The following BORCS5 variants were observed in gnomAD, a reference collection of about 807,000 sequenced individuals.
BORCS5 encodes the protein BLOC-1 related complex subunit 5.
Under a neutral mutation model 22.1 loss-of-function variants are expected in BORCS5, and 17 were observed. That is an observed-to-expected ratio of 0.77 (90% CI 0.53 to 1.15). BORCS5 has a LOEUF of 1.15. BORCS5 is among the 50% of genes most tolerant of loss of function. The pLI is 0.00. For synonymous variants in BORCS5, 117 were observed against 99.8 expected (o/e 1.17, Z -1.03); for missense variants, 247 against 253.2 (o/e 0.98, Z 0.17).
intron 3 of BORCS5, among the ~76,000 whole-genome samples, chr12:12,445,496 CTTTTT>C (rs5796492): frequency 6.6e-5 from 3 of 45,774 alleles, no homozygotes; most frequent in South Asian, 1.2e-3. Flanking sequence ...ACATGCATTG[CTTTTT>C]TTTTTTTTTT....
At chr12:12,448,624 T>A (rs923834770) in intron 3 of BORCS5, among the ~76,000 whole-genome samples, 30 of 151,332 alleles carry the variant, frequency 2.0e-4, no homozygotes, top group African/African-American at 7.3e-4. Flanking sequence ...TGCCTTCTGG[T>A]TTCAAGCGAT....
Position 12,361,303 on chromosome 12 carries a change from T to C in BORCS5, c.156T>C (p.Asp52=). 1 of 1,614,218 alleles carries C rather than the reference T, an allele frequency of 6.2e-7. No homozygotes were observed. The highest frequency in any genetic ancestry group is 8.5e-7 in the Non-Finnish European group (1 of 1,180,042). Residue 52 remains aspartate (D), a synonymous_variant, in exon 2 of 4, where the codon GAT becomes GAC. Coordinates refer to ENST00000314565, the MANE Select transcript of BORCS5 (RefSeq NM_058169.6). ...QASRNVSNDP[D]VIKLQEIPTF... ...CACGGAACGTCAGCAACGATCCCGA[T>C]GTCATCAAGTTGCAAGAGATTCCAA... is the stretch of plus-strand genomic sequence containing the variant.
rs115699015 is a variant in BORCS5, at chr12:12,377,506, G to A, written c.202+16157G>A. Among the ~76,000 whole-genome samples, 1,246 of 152,022 alleles carry A rather than the reference G, an allele frequency of 8.2e-3. 19 individuals are homozygous for A. The highest frequency in any genetic ancestry group is 0.028 in the African/African-American group (1,143 of 41,472). ...GAGTTGGGATTTTGTCTTAGACATC[G>A]TGGATTTCTTAGGGCCCAGCACAAA... On this transcript the variant is annotated intron_variant, in intron 2 of 3. Coordinates refer to ENST00000314565, the MANE Select transcript of BORCS5 (RefSeq NM_058169.6).
At chr12:12,403,498 T>A (rs1255356002) in intron 2 of BORCS5, among the ~76,000 whole-genome samples, 1 of 152,218 alleles carries the variant, frequency 6.6e-6, no homozygotes, top group Non-Finnish European at 1.5e-5. Context: ...TTCCTGCTTC[T>A]GAGGAAACTG....
chr12:12,414,405 C>T (rs1169072487), intron 2 of BORCS5, among the ~76,000 whole-genome samples: 5 of 109,428 alleles, frequency 4.6e-5, no homozygotes, highest in East Asian at 5.6e-4. Flanking sequence ...ACCTCCCTCC[C>T]GGACTGGGCG....
intron 2 of BORCS5, among the ~76,000 whole-genome samples, chr12:12,429,788 C>T (rs1419742335): frequency 6.6e-6 from 1 of 152,214 alleles, no homozygotes; most frequent in Non-Finnish European, 1.5e-5. Context: ...CACCTGGCAG[C>T]TTGGGCTGGC....
In BORCS5 at chr12:12,378,828, C is replaced by T. The variant is rs1863713407; in HGVS notation, c.202+17479C>T. Among the ~76,000 whole-genome samples, 2 of 151,428 alleles carry T rather than the reference C, an allele frequency of 1.3e-5. 1 individual carries two copies. Among genetic ancestry groups the T allele is most frequent in the African/African-American group, 4.9e-5 (2 of 41,200 alleles). ...GGTGTAGTGGTGAGATCATGACTCA[C>T]TGCAGCCTCGACCTCCCAGGCTCAA... On this transcript the variant is annotated intron_variant, in intron 2 of 3. Transcript: ENST00000314565.
intron 3 of BORCS5, among the ~76,000 whole-genome samples, chr12:12,448,982 CCA>C (rs1406662685): frequency 6.6e-6 from 1 of 152,220 alleles, no homozygotes; most frequent in Non-Finnish European, 1.5e-5. Flanking sequence ...TAGGATGCAA[CCA>C]CACTTTAAAA....
chr12:12,403,903 T>A (rs952746176), intron 2 of BORCS5, among the ~76,000 whole-genome samples: 4 of 152,204 alleles, frequency 2.6e-5, no homozygotes, highest in South Asian at 2.1e-4. Context: ...TTTTTCCTAG[T>A]TGCTAGAGGA....
At chr12:12,376,535 C>T (rs1273094820) in intron 2 of BORCS5, among the ~76,000 whole-genome samples, 1 of 152,130 alleles carries the variant, frequency 6.6e-6, no homozygotes, top group Non-Finnish European at 1.5e-5. Flanking sequence ...ACCTGGCCTG[C>T]TCTTCAATCT....
At chr12:12,417,251 T>C (rs1941991531) in intron 2 of BORCS5, among the ~76,000 whole-genome samples, 1 of 152,220 alleles carries the variant, frequency 6.6e-6, no homozygotes. Context: ...TTCTTTACCG[T>C]CCACAAATTG....
chr12:12,417,135 G>T (rs1216541468), intron 2 of BORCS5, among the ~76,000 whole-genome samples: 5 of 151,802 alleles, frequency 3.3e-5, no homozygotes, highest in African/African-American at 1.2e-4. Context: ...TGCTTTCACT[G>T]CATTTCATAA....
At chr12:12,385,667 G>A (rs1863864009) in intron 2 of BORCS5, among the ~76,000 whole-genome samples, 1 of 151,114 alleles carries the variant, frequency 6.6e-6, no homozygotes, top group Non-Finnish European at 1.5e-5. Context: ...ACACCACCAT[G>A]CCTGGCTAAT....
chr12:12,368,110 C>T (rs1346921068), intron 2 of BORCS5, among the ~76,000 whole-genome samples: 1 of 152,130 alleles, frequency 6.6e-6, no homozygotes, highest in African/African-American at 2.4e-5. Flanking sequence ...ATAACTTCAT[C>T]CATATTTGCT....
At chr12:12,378,173 A>G (rs1368416409) in intron 2 of BORCS5, among the ~76,000 whole-genome samples, 1 of 152,172 alleles carries the variant, frequency 6.6e-6, no homozygotes, top group Non-Finnish European at 1.5e-5. Context: ...GGAATTTGAG[A>G]CCAGCCTGGC....
chr12:12,438,372 A>AAAAAAAC (rs1942604486), intron 3 of BORCS5, among the ~76,000 whole-genome samples: 2 of 129,786 alleles, frequency 1.5e-5, no homozygotes, highest in Admixed American at 7.4e-5. Context: ...AAAAAAAAAA[A>AAAAAAAC]AAAAAAAACG....
At chr12:12,361,121 C>A in intron 1 of BORCS5, 85 bp from the exon 2 acceptor site, 1 of 1,348,036 alleles carries the variant, frequency 7.4e-7, no homozygotes, top group Non-Finnish European at 1.0e-6. Flanking sequence ...TAAAATTATT[C>A]TTTTTAATCA....
At chr12:12,420,894 G>A (rs1942102787) in intron 2 of BORCS5, among the ~76,000 whole-genome samples, 1 of 152,162 alleles carries the variant, frequency 6.6e-6, no homozygotes. Context: ...TTTGCACACT[G>A]ATTTTGTATC....
At chr12:12,369,382 C>T (rs957701694) in intron 2 of BORCS5, among the ~76,000 whole-genome samples, 11 of 152,158 alleles carry the variant, frequency 7.2e-5, no homozygotes, top group Admixed American at 2.6e-4. Flanking sequence ...AGGCTATCGT[C>T]TGCTTTTTAA....
Sources: allele counts gnomAD v4.1 joint callset (sites outside exome capture counted in the v4.1 genomes callset), GRCh38; gene constraint gnomAD v4.1.1; transcripts MANE v1.5; gene names NCBI Gene and HGNC (gene_info 2026-07-23, HGNC 2026-07-21).